Variants in BCL11A observed in about 807,000 individuals in gnomAD.
BCL11A encodes B cell CLL/lymphoma 11A.
BCL11A carries 2 observed loss-of-function variants against 55.9 expected under a neutral mutation model. The observed-to-expected ratio is 0.04, with a 90% CI of 0.01 to 0.11. The LOEUF is 0.11. Ranked by LOEUF, BCL11A falls within the 10% of genes least tolerant of loss-of-function variation. The pLI is 1.00. For synonymous variants in BCL11A, 465 were observed against 473.4 expected, an observed-to-expected ratio of 0.98 and a Z score of 0.23; for missense variants, 817 against 1,137.1, an observed-to-expected ratio of 0.72 and a Z score of 4.05.
chr2:60,464,416 A>C (rs1676488360), intron 3 of BCL11A, among the ~76,000 whole-genome samples: 1 of 152,162 alleles, frequency 6.6e-6, no homozygotes, highest in East Asian at 1.9e-4. Flanking sequence ...TGGAAAAAAA[A>C]CTATCTGGTT....
intron 2 of BCL11A, among the ~76,000 whole-genome samples, chr2:60,514,294 G>A (rs1261450100): frequency 6.6e-6 from 1 of 152,152 alleles, no homozygotes; most frequent in Admixed American, 6.5e-5. Context: ...TCGCAGTGCT[G>A]AGCCATGAGC....
chr2:60,522,696 C>G (rs912132603), intron 2 of BCL11A: 2 of 152,326 alleles, frequency 1.3e-5, no homozygotes, highest in African/African-American at 4.8e-5. Context: ...CACTCCCCAC[C>G]ATGTGGCCCA....
chr2:60,545,940 C>A (rs1670128620), intron 2 of BCL11A, 31 bp downstream of exon 2: 2 of 1,584,760 alleles, frequency 1.3e-6, no homozygotes, highest in Admixed American at 1.7e-5. Flanking sequence ...AGAAAACATG[C>A]AAACAGCTTT....
At chr2:60,538,735 C>CTGTGTG (rs756885542) in intron 2 of BCL11A, among the ~76,000 whole-genome samples, 4 of 69,358 alleles carry the variant, frequency 5.8e-5, no homozygotes, top group African/African-American at 1.3e-4. Context: ...CTCTCTCTCT[C>CTGTGTG]TCTCTGTGTG....
intron 1 of BCL11A, among the ~76,000 whole-genome samples, chr2:60,552,747 C>G (rs1670472871): frequency 6.6e-6 from 1 of 152,076 alleles, no homozygotes; most frequent in South Asian, 2.1e-4. Context: ...GTTTTTTAGA[C>G]TTGTACTCAC....
chr2:60,553,157 T>C (rs541403523), intron 1 of BCL11A, 59 bp downstream of exon 1: 3 of 1,537,640 alleles, frequency 2.0e-6, no homozygotes, highest in East Asian at 2.4e-5. Flanking sequence ...CTTTTGCTTC[T>C]AGTCCTGCGC....
chr2:60,488,205 T>C (rs1678397825), intron 2 of BCL11A, among the ~76,000 whole-genome samples: 1 of 152,250 alleles, frequency 6.6e-6, no homozygotes, highest in Non-Finnish European at 1.5e-5. Context: ...TGAATCTGAC[T>C]ATTTCATCAA....
At chr2:60,465,101 T>G (rs1274256145) in intron 3 of BCL11A, among the ~76,000 whole-genome samples, 3 of 152,236 alleles carry the variant, frequency 2.0e-5, no homozygotes. Flanking sequence ...GCATTACAAT[T>G]TCACCATATA....
At position 60,459,981 on chromosome 2, in the gene BCL11A, C is replaced by G. The variant is rs980525650; in HGVS notation, c.*423G>C. 3.7e-6 allele frequency: 4 copies of G among 1,066,912 alleles called. No homozygotes were observed. The African/African-American group carries it at 6.6e-5, about 18-fold the overall frequency. 66.1% of individuals were successfully genotyped at this position (1,066,912 alleles called of 1,614,324 possible). ...CTCAGAACGGAACTGGAAACAGCAA[C>G]ATGTTTGCTCAGCAACGAATTAGGG... On this transcript the variant is annotated 3_prime_UTR_variant, in exon 4 of 4. Transcript: ENST00000642384.
At chr2:60,535,387 A>C (rs1303938098) in intron 2 of BCL11A, 1 of 152,248 alleles carries the variant, frequency 6.6e-6, no homozygotes, top group Non-Finnish European at 1.5e-5. Flanking sequence ...GGCTGCAAAC[A>C]TCGTCACGGA....
intron 2 of BCL11A, among the ~76,000 whole-genome samples, chr2:60,517,447 C>T (rs1482772727): frequency 2.0e-5 from 3 of 152,236 alleles, no homozygotes; most frequent in Non-Finnish European, 1.5e-5. Context: ...TTCTCTGCAA[C>T]AGCACAGGTG....
chr2:60,534,083 C>T (rs1669570523), intron 2 of BCL11A: 1 of 152,172 alleles, frequency 6.6e-6, no homozygotes, highest in South Asian at 2.1e-4. Flanking sequence ...AATAATACAG[C>T]ACAGGTTATT....
intron 2 of BCL11A, chr2:60,534,307 TAA>T (rs1669579797): frequency 6.6e-6 from 1 of 152,220 alleles, no homozygotes; most frequent in Admixed American, 6.5e-5. Context: ...ATCTAAAAGA[TAA>T]AAGAGTCAGC....
At chr2:60,468,052 G>T (rs796065594) in intron 3 of BCL11A, among the ~76,000 whole-genome samples, 2,333 of 14,838 alleles carry the variant, frequency 0.16, 5 homozygotes, top group East Asian at 0.27. Context: ...TGATGGTACT[G>T]GTGGTGATGG....
intron 3 of BCL11A, among the ~76,000 whole-genome samples, chr2:60,467,180 GTGGTGGTGATGGTGGTGGTGA>G (rs1676712740): frequency 8.4e-6 from 1 of 118,852 alleles, no homozygotes; most frequent in Non-Finnish European, 1.8e-5. Flanking sequence ...GGTGGTGGTG[GTGGTGGTGATGGTGGTGGTGA>G]TGGCGGTGAT....
At chr2:60,491,508 AC>A (rs1678630248) in intron 2 of BCL11A, among the ~76,000 whole-genome samples, 1 of 152,004 alleles carries the variant, frequency 6.6e-6, no homozygotes. Context: ...CCCCGTCTCT[AC>A]TAAAAATACA....
Position 60,490,047 on chromosome 2 carries a change from G to C in BCL11A, c.386-21214C>G, listed in dbSNP as rs180980210. ...TCCTGCCCACTCCCCATCTGCAATG[G>C]GGGCAAAGGCAAAAGGAAAGCTTTC... On this transcript the variant is annotated intron_variant, in intron 2 of 3. Coordinates refer to ENST00000642384, the MANE Select transcript of BCL11A (RefSeq NM_022893.4). Among the ~76,000 whole-genome samples, 23 of 152,204 alleles carry C rather than the reference G, an allele frequency of 1.5e-4. No homozygotes were observed. In the East Asian group the frequency reaches 3.1e-3, roughly 20 times the overall value.
downstream of BCL11A, among the ~76,000 whole-genome samples, chr2:60,454,361 G>A (rs1490913992): frequency 6.6e-6 from 1 of 152,148 alleles, no homozygotes; most frequent in Non-Finnish European, 1.5e-5. Flanking sequence ...TTAAAAGTTA[G>A]CAGTCTTTTA....
downstream of BCL11A, among the ~76,000 whole-genome samples, chr2:60,453,457 G>A (rs1026178070): frequency 2.0e-5 from 3 of 152,184 alleles, no homozygotes; most frequent in Admixed American, 1.3e-4. Flanking sequence ...GCAGGGGCCT[G>A]GGGCCTCCTC....
Sources: allele counts gnomAD v4.1 joint callset (sites outside exome capture counted in the v4.1 genomes callset), GRCh38; gene constraint gnomAD v4.1.1; transcripts MANE v1.5; gene names NCBI Gene and HGNC (gene_info 2026-07-23, HGNC 2026-07-21).